Variants in RAB3C observed in about 807,000 individuals in gnomAD.
RAB3C encodes the protein ras-related protein Rab-3C.
RAB3C carries 17 observed loss-of-function variants against 26.4 expected under a neutral mutation model. The ratio of observed to expected loss-of-function variants is 0.64; its 90% CI spans 0.44 to 0.97. RAB3C has a LOEUF of 0.97. RAB3C is among the 50% of genes least tolerant of loss of function. RAB3C has a pLI of 0.00. For synonymous variants in RAB3C, 91 were observed against 95.9 expected (o/e 0.95, Z 0.30); for missense variants, 242 against 281.9 (o/e 0.86, Z 1.01).
chr5:58,641,556 G>A (rs1277694399), intron 2 of RAB3C, among the ~76,000 whole-genome samples: 1 of 152,200 alleles, frequency 6.6e-6, no homozygotes, highest in Non-Finnish European at 1.5e-5. Context: ...CACCCATGAT[G>A]GGAGCACTCT....
At chr5:58,839,918 T>C (rs1401988354) in intron 4 of RAB3C, among the ~76,000 whole-genome samples, 3 of 151,530 alleles carry the variant, frequency 2.0e-5, no homozygotes, top group Non-Finnish European at 4.4e-5. Flanking sequence ...GAGGTTTTTT[T>C]TTTTCTTTTG....
intron 3 of RAB3C, among the ~76,000 whole-genome samples, chr5:58,809,580 C>A (rs1158256931): frequency 6.6e-6 from 1 of 152,006 alleles, no homozygotes; most frequent in Non-Finnish European, 1.5e-5. Flanking sequence ...TTTATGTGTC[C>A]CCACCCATCA....
intron 3 of RAB3C, among the ~76,000 whole-genome samples, chr5:58,816,460 C>T (rs577534409): frequency 6.6e-6 from 1 of 152,220 alleles, no homozygotes; most frequent in Non-Finnish European, 1.5e-5. Context: ...TCATATTTTA[C>T]CTTCCCTGAC....
intron 4 of RAB3C, among the ~76,000 whole-genome samples, chr5:58,826,628 A>G (rs1743488308): frequency 6.6e-6 from 1 of 152,200 alleles, no homozygotes; most frequent in Non-Finnish European, 1.5e-5. Flanking sequence ...AAACTTCTGT[A>G]AAACAAAAGT....
chr5:58,743,296 A>T (rs867019555), intron 3 of RAB3C, among the ~76,000 whole-genome samples: 8 of 152,006 alleles, frequency 5.3e-5, no homozygotes, highest in African/African-American at 1.9e-4. Flanking sequence ...CTCAATCCAG[A>T]CCATATATTA....
chr5:58,829,871 T>C (rs1743574619), intron 4 of RAB3C, among the ~76,000 whole-genome samples: 2 of 152,340 alleles, frequency 1.3e-5, no homozygotes, highest in Admixed American at 1.3e-4. Context: ...TTTTCTTCCC[T>C]TCTTTTCCCA....
intron 2 of RAB3C, among the ~76,000 whole-genome samples, chr5:58,685,803 G>A (rs1348901241): frequency 6.6e-6 from 1 of 152,020 alleles, no homozygotes; most frequent in Non-Finnish European, 1.5e-5. Context: ...GTTCTCTAAG[G>A]GCTTAGATTC....
intron 2 of RAB3C, among the ~76,000 whole-genome samples, chr5:58,715,042 A>G (rs573749542): frequency 6.6e-6 from 1 of 152,078 alleles, no homozygotes; most frequent in Non-Finnish European, 1.5e-5. Flanking sequence ...TTTCTCATTT[A>G]TAAATGAGAA....
chr5:58,686,319 A>T (rs1274367182), intron 2 of RAB3C, among the ~76,000 whole-genome samples: 1 of 152,050 alleles, frequency 6.6e-6, no homozygotes, highest in Non-Finnish European at 1.5e-5. Flanking sequence ...CAGCATTTAG[A>T]TACACTAGTA....
intron 4 of RAB3C, among the ~76,000 whole-genome samples, chr5:58,833,945 C>T (rs1350521799): frequency 6.6e-6 from 1 of 152,074 alleles, no homozygotes; most frequent in African/African-American, 2.4e-5. Context: ...AGAGAGGTGA[C>T]CACCCCTTTC....
chr5:58,736,236 A>G (rs983755037), intron 3 of RAB3C, among the ~76,000 whole-genome samples: 5 of 152,052 alleles, frequency 3.3e-5, no homozygotes, highest in Non-Finnish European at 7.4e-5. Context: ...CTGCCTTCCT[A>G]TCTGGTCTCC....
rs1744299015 is a variant in RAB3C, at chr5:58,857,897, TTATG to T, written c.*6552_*6555del. On this transcript the variant is annotated 3_prime_UTR_variant, in exon 5 of 5. Transcript: ENST00000282878. ...CTAGATAACGAAAAGCTATAAATGT[TTATG>T]TATGTGAATTTTAAATTAGAATAAC... 6.6e-6 allele frequency: 1 copy of T among 152,184 alleles called. No individual in the cohort carries two copies. The highest frequency in any genetic ancestry group is 1.5e-5 in the Non-Finnish European group (1 of 68,014). The allele number at this position is 152,184 out of a possible 1,614,324, so 9.4% of individuals were successfully genotyped here. A position where few individuals can be genotyped will look rare whatever the true frequency, so the allele number is the denominator to read the frequency against.
chr5:58,635,970 T>C (rs1003404805), intron 2 of RAB3C, among the ~76,000 whole-genome samples: 1 of 152,188 alleles, frequency 6.6e-6, no homozygotes, highest in African/African-American at 2.4e-5. Context: ...TCACTGAGTA[T>C]ATTAAAAATA....
At chr5:58,687,671 T>C (rs1180449134) in intron 2 of RAB3C, among the ~76,000 whole-genome samples, 4 of 152,088 alleles carry the variant, frequency 2.6e-5, no homozygotes, top group African/African-American at 9.7e-5. Flanking sequence ...CCAATCCACC[T>C]AGAGAGGAGG....
intron 2 of RAB3C, among the ~76,000 whole-genome samples, chr5:58,695,639 A>T: frequency 6.6e-6 from 1 of 152,188 alleles, no homozygotes. Context: ...GGTCCTTCAC[A>T]TCCCTTGTAA....
intron 2 of RAB3C, among the ~76,000 whole-genome samples, chr5:58,723,595 G>A (rs1740820766): frequency 6.6e-6 from 1 of 151,756 alleles, no homozygotes; most frequent in South Asian, 2.1e-4. Context: ...GTTCATGGTG[G>A]GGTGTAAGCA....
chr5:58,757,981 G>T (rs292955), intron 3 of RAB3C, among the ~76,000 whole-genome samples: 12 of 151,930 alleles, frequency 7.9e-5, no homozygotes, highest in African/African-American at 2.9e-4. Flanking sequence ...TCGCTCTGTC[G>T]CCCAGGCTGG....
Position 58,725,708 on chromosome 5 carries a change from A to G in RAB3C, c.253-294A>G, listed in dbSNP as rs117978845. On this transcript the variant is annotated intron_variant, in intron 2 of 4. Coordinates refer to ENST00000282878, the MANE Select transcript of RAB3C (RefSeq NM_138453.4). ...GAATGAATAATTTGAATGTTTCTGC[A>G]TAAAGACAAATATTTAAAGTGTTGT... Among the ~76,000 whole-genome samples the G allele has an allele frequency of 4.5e-3, 677 of 152,038 alleles. 25 individuals carry two copies. The East Asian group carries it at 0.1, about 23-fold the overall frequency.
At chr5:58,832,653 C>G (rs1294834744) in intron 4 of RAB3C, among the ~76,000 whole-genome samples, 1 of 152,156 alleles carries the variant, frequency 6.6e-6, no homozygotes, top group East Asian at 1.9e-4. Context: ...TTAAGAATGT[C>G]CCTGTTTGGA....
Sources: allele counts gnomAD v4.1 joint callset (sites outside exome capture counted in the v4.1 genomes callset), GRCh38; gene constraint gnomAD v4.1.1; transcripts MANE v1.5; gene names NCBI Gene and HGNC (gene_info 2026-07-23, HGNC 2026-07-21).